CDC42BPB: variants seen among roughly 807,000 people sequenced by gnomAD.
The protein encoded by CDC42BPB is serine/threonine-protein kinase MRCK beta.
In CDC42BPB, 37 loss-of-function variants were observed where a neutral mutation model predicts 214.9. The observed-to-expected ratio is 0.17, with a 90% CI of 0.13 to 0.23. The LOEUF (loss-of-function observed/expected upper bound fraction) is 0.23. Among genes scored for constraint, CDC42BPB ranks in the 10% least tolerant of loss-of-function variants. The probability of loss-of-function intolerance (pLI) is 1.00; values close to 1 mark genes in which losing one functional copy is unlikely to be tolerated. For synonymous variants in CDC42BPB, 931 were observed against 884.0 expected (o/e 1.05, Z -0.94); for missense variants, 1,694 against 2,227.0 (o/e 0.76, Z 4.82).
chr14:102,983,930 C>T (rs1311594762), intron 6 of CDC42BPB, 174 bp from the exon 7 acceptor site: 5 of 982,944 alleles, frequency 5.1e-6, no homozygotes, highest in Non-Finnish European at 6.0e-6. Context: ...TGCCTCGAGC[C>T]TGTAGCCTCA....
chr14:102,947,345 G>C (rs1475947037), intron 27 of CDC42BPB, among the ~76,000 whole-genome samples: 1 of 152,168 alleles, frequency 6.6e-6, no homozygotes, highest in Admixed American at 6.5e-5. Flanking sequence ...CAACAAAAAC[G>C]CTGGCTCCAA....
chr14:102,973,258 G>A (rs2139480872), intron 12 of CDC42BPB, among the ~76,000 whole-genome samples: 1 of 152,316 alleles, frequency 6.6e-6, no homozygotes, highest in South Asian at 2.1e-4. Flanking sequence ...CACTCACGTG[G>A]ATGACCCACA....
chr14:103,057,182 G>A lies in CDC42BPB; in HGVS notation c.-9C>T. The stretch of plus-strand genomic sequence containing the variant: ...CGCACCTTGGCCGACATGGTGCCGC[G>A]CGGCCCGCTCCCGACGCGCCGGCCT... On this transcript the variant is annotated 5_prime_UTR_variant, in exon 1 of 37. Coordinates refer to ENST00000361246, the MANE Select transcript of CDC42BPB (RefSeq NM_006035.4). The A allele has an allele frequency of 7.1e-7, 1 of 1,407,646 alleles. No individual in the cohort carries two copies. The highest frequency in any genetic ancestry group is 3.1e-5 in the East Asian group (1 of 32,678). The allele number at this position is 1,407,646 out of a possible 1,614,324, so 87.2% of individuals were successfully genotyped here.
At position 102,944,108 on chromosome 14, in the gene CDC42BPB, C is replaced by T. The variant is rs2139362692; in HGVS notation, c.4191G>A (p.Leu1397=). The T allele has an allele frequency of 1.9e-6, 3 of 1,613,258 alleles. No individual in the cohort carries two copies. In the East Asian group the frequency reaches 6.7e-5, roughly 36 times the overall value. ...CVGYPSGFCL[L]SIQGDGQPLN... ...GAGGCTGCCCGTCCCCCTGGATGCT[C>T]AGCAGGCAGAACCCAGAAGGGTAGC... Residue 1397 remains leucine, a synonymous_variant, in exon 30 of 37, where the codon CTG becomes CTA. Transcript: ENST00000361246. The surrounding 1 kb of genome is among the most constrained non-coding windows in gnomAD (Gnocchi z 6.6).
At chr14:102,979,333 C>T (rs1290737030) in intron 8 of CDC42BPB, among the ~76,000 whole-genome samples, 3 of 151,992 alleles carry the variant, frequency 2.0e-5, no homozygotes, top group Admixed American at 6.6e-5. Context: ...CTGCCTCAGC[C>T]TCCCAAGTAG....
intron 5 of CDC42BPB, among the ~76,000 whole-genome samples, chr14:102,990,477 T>G (rs1206333612): frequency 6.6e-6 from 1 of 152,086 alleles, no homozygotes; most frequent in East Asian, 1.9e-4. Context: ...AGTCACAGTT[T>G]CAGTAGGAGG....
At chr14:103,010,922 C>T (rs367743530) in intron 2 of CDC42BPB, among the ~76,000 whole-genome samples, 96 of 152,212 alleles carry the variant, frequency 6.3e-4, no homozygotes, top group Middle Eastern at 6.8e-3. Flanking sequence ...CCCAGCTACT[C>T]GGGAGGCTGA....
Position 102,947,900 on chromosome 14 carries a change from C to T in CDC42BPB, c.3450-98G>A, listed in dbSNP as rs1057137735. ...TGCCCTGCCCTGCCATGTCCTTCCA[C>T]CACCGTGTTCTGCAGTGGAGGGCGG... On this transcript the variant is annotated intron_variant, in intron 26 of 36. Coordinates refer to ENST00000361246, the MANE Select transcript of CDC42BPB (RefSeq NM_006035.4). 14 of 1,591,338 alleles carry T rather than the reference C, an allele frequency of 8.8e-6. No individual in the cohort carries two copies. In the African/African-American group the frequency reaches 1.5e-4, roughly 17 times the overall value.
chr14:103,039,292 C>CAAAAAAAAAAAAAAAAAAAAAA (rs202028122), intron 1 of CDC42BPB, among the ~76,000 whole-genome samples: 1 of 70,636 alleles, frequency 1.4e-5, no homozygotes, highest in African/African-American at 4.3e-5. Flanking sequence ...GATACCAAAC[C>CAAAAAAAAAAAAAAAAAAAAAA]AAAAAAAAAA....
At chr14:102,956,342 C>A (rs1174931836) in intron 21 of CDC42BPB, 1 of 481,614 alleles carries the variant, frequency 2.1e-6, no homozygotes, top group South Asian at 8.9e-5. Context: ...CCAGTCAACA[C>A]TGGCATGAAG....
chr14:102,955,870 C>A (rs140596507), intron 21 of CDC42BPB, among the ~76,000 whole-genome samples: 9 of 152,282 alleles, frequency 5.9e-5, no homozygotes, highest in Admixed American at 2.6e-4. Flanking sequence ...TAAACACTTT[C>A]CAACAGTTGC....
rs189898804 is a variant in CDC42BPB, at chr14:103,043,231, A to G, written c.175+13768T>C. Reference sequence around the variant, plus strand: ...TGCACTCCAGCTTGAGAGAGAGAGCAAGACTCCATCTGAAAACAAACAAAA... The same window carrying G: ...TGCACTCCAGCTTGAGAGAGAGAGCGAGACTCCATCTGAAAACAAACAAAA... On this transcript the variant is annotated intron_variant, in intron 1 of 36. Coordinates refer to ENST00000361246, the MANE Select transcript of CDC42BPB (RefSeq NM_006035.4). Among the ~76,000 whole-genome samples the G allele has an allele frequency of 2.6e-5, 4 of 152,006 alleles. No individual in the cohort carries two copies. In the East Asian group the frequency reaches 7.7e-4, roughly 29 times the overall value.
rs980570451 is a variant in CDC42BPB at position 102,983,926 on chromosome 14, G to A, written c.691-170C>T. The stretch of plus-strand genomic sequence containing the variant: ...TAATTCAAGCTGAGTATAGTGCCTC[G>A]AGCCTGTAGCCTCAGCTACTTGGGA... On this transcript the variant is annotated intron_variant, in intron 6 of 36. Coordinates refer to ENST00000361246, the MANE Select transcript of CDC42BPB (RefSeq NM_006035.4). 4.1e-6 allele frequency: 4 copies of A among 983,360 alleles called. No individual in the cohort carries two copies. The African/African-American group carries it at 5.2e-5, about 13-fold the overall frequency. 60.9% of individuals were successfully genotyped at this position (983,360 alleles called of 1,614,324 possible).
At chr14:102,976,294 T>C (rs989563269) in intron 9 of CDC42BPB, 6 of 722,072 alleles carry the variant, frequency 8.3e-6, no homozygotes, top group Non-Finnish European at 1.0e-5. Flanking sequence ...AAATGGCATT[T>C]CTAAATCATC....
rs956868787 is a variant in CDC42BPB at position 102,983,058 on chromosome 14, C to G, written c.891+498G>C. On this transcript the variant is annotated intron_variant, in intron 7 of 36. Transcript: ENST00000361246. ...GAAACAGGATGGGGAGGATGAAGGG[C>G]TCCACCATCTGGAGACACATGATCA... is the stretch of plus-strand genomic sequence containing the variant. Among the ~76,000 whole-genome samples, 6 of 152,114 alleles carry G rather than the reference C, an allele frequency of 3.9e-5. No homozygotes were observed. The East Asian group carries it at 9.6e-4, about 24-fold the overall frequency.
At chr14:102,934,024 G>T (rs911955402) in intron 36 of CDC42BPB, 181 bp from the exon 37 acceptor site, 53 of 1,357,424 alleles carry the variant, frequency 3.9e-5, no homozygotes, top group Non-Finnish European at 5.0e-5. Context: ...GTGCTGGTGA[G>T]AGTCACAAAT....
chr14:102,963,143 A>T lies in CDC42BPB; in HGVS notation c.2739T>A (p.Asp913Glu). The change falls in exon 20 of 37, where the codon GAT (aspartate) becomes GAA (glutamate). Residue 913 changes from aspartate to glutamate, a missense_variant. This residue lies in a region of CDC42BPB where 156 missense variants were observed against 154.5 expected (regional missense o/e 1.01). Transcript: ENST00000361246. ...ATAATTCTCTGTTTTTGGCTTCGGAATCCTTTAGTTTGCTAAAATAAAAAA... is the reference window on the plus strand; with the variant it reads ...ATAATTCTCTGTTTTTGGCTTCGGATTCCTTTAGTTTGCTAAAATAAAAAA... ...ANLTLESKLK[D>E]SEAKNRELLE... The T allele has an allele frequency of 6.3e-7, 1 of 1,596,252 alleles. No individual in the cohort carries two copies. Among genetic ancestry groups the T allele is most frequent in the Non-Finnish European group, 8.6e-7 (1 of 1,168,642 alleles).
At chr14:102,971,864 TAA>T (rs1893486727) in intron 13 of CDC42BPB, 53 bp downstream of exon 13, 4 of 1,555,912 alleles carry the variant, frequency 2.6e-6, no homozygotes, top group Non-Finnish European at 3.5e-6. Flanking sequence ...AGACGTTTTA[TAA>T]AAGTCACACA....
chr14:103,032,844 G>C (rs140450905), intron 1 of CDC42BPB, among the ~76,000 whole-genome samples: 1 of 148,618 alleles, frequency 6.7e-6, no homozygotes, highest in Non-Finnish European at 1.5e-5. Flanking sequence ...GGCTGGTCTC[G>C]AACTCCTGAT....
Sources: allele counts gnomAD v4.1 joint callset (sites outside exome capture counted in the v4.1 genomes callset), GRCh38; gene constraint gnomAD v4.1.1; regional missense constraint gnomAD v4.1.1; non-coding constraint Gnocchi (gnomAD v3.1); transcripts MANE v1.5; gene names NCBI Gene and HGNC (gene_info 2026-07-23, HGNC 2026-07-21).